Variants in ERBB4 observed in about 807,000 individuals in gnomAD.
ERBB4 encodes erb-b2 receptor tyrosine kinase 4.
ERBB4 carries 42 observed loss-of-function variants against 158.0 expected under a neutral mutation model. The ratio of observed to expected loss-of-function variants is 0.27; its 90% CI spans 0.21 to 0.34. The LOEUF (loss-of-function observed/expected upper bound fraction) is 0.34. Ranked by LOEUF, ERBB4 falls within the 10% of genes least tolerant of loss-of-function variation. The probability of loss-of-function intolerance (pLI) is 1.00; values close to 1 mark genes in which losing one functional copy is unlikely to be tolerated. For synonymous variants in ERBB4, 583 were observed against 558.7 expected, an observed-to-expected ratio of 1.04 and a Z score of -0.61; for missense variants, 1,333 against 1,624.1, an observed-to-expected ratio of 0.82 and a Z score of 3.08.
chr2:212,311,666 A>C (rs887136334), intron 1 of ERBB4, among the ~76,000 whole-genome samples: 1 of 151,004 alleles, frequency 6.6e-6, no homozygotes, highest in East Asian at 2.0e-4. Flanking sequence ...CAAGTCCTAA[A>C]TTTTTTAAAA....
chr2:212,159,219 T>C (rs917786414), intron 1 of ERBB4, among the ~76,000 whole-genome samples: 1 of 151,688 alleles, frequency 6.6e-6, no homozygotes, highest in African/African-American at 2.4e-5. Flanking sequence ...TGTGAGATCA[T>C]AAGTGTTTGC....
chr2:212,316,444 T>C (rs907735536), intron 1 of ERBB4, among the ~76,000 whole-genome samples: 7 of 151,488 alleles, frequency 4.6e-5, no homozygotes, highest in South Asian at 2.1e-4. Context: ...GAATCTGAAG[T>C]TCCCCCTTTT....
chr2:211,545,199 C>A (rs528816563), intron 20 of ERBB4, among the ~76,000 whole-genome samples: 1 of 152,026 alleles, frequency 6.6e-6, no homozygotes, highest in South Asian at 2.1e-4. Context: ...AATGGCTAGA[C>A]GCTTAACATT....
chr2:212,426,710 C>T (rs539417383), intron 1 of ERBB4, among the ~76,000 whole-genome samples: 5 of 152,166 alleles, frequency 3.3e-5, no homozygotes, highest in Admixed American at 1.3e-4. Context: ...CTCACACAAT[C>T]ACCCCTTTTG....
chr2:211,993,600 GAT>G (rs1264518150), intron 2 of ERBB4, among the ~76,000 whole-genome samples: 1 of 149,354 alleles, frequency 6.7e-6, no homozygotes. Flanking sequence ...TCCTAGATAA[GAT>G]ATATTTTTCT....
intron 2 of ERBB4, among the ~76,000 whole-genome samples, chr2:212,098,868 G>C (rs1208019503): frequency 1.3e-5 from 2 of 152,016 alleles, no homozygotes; most frequent in Admixed American, 1.3e-4. Context: ...ATTTATTCAG[G>C]AATGATGCAG....
chr2:211,793,439 G>A (rs181086173), intron 3 of ERBB4, among the ~76,000 whole-genome samples: 1 of 151,816 alleles, frequency 6.6e-6, no homozygotes, highest in Non-Finnish European at 1.5e-5. Flanking sequence ...ATCACAATAG[G>A]CGCATTTAAA....
At chr2:212,111,589 CA>C (rs2079407473) in intron 2 of ERBB4, among the ~76,000 whole-genome samples, 1 of 152,022 alleles carries the variant, frequency 6.6e-6, no homozygotes. Context: ...GAGGATTTCC[CA>C]GGTGGAAATG....
At chr2:211,975,757 T>G (rs1274738560) in intron 2 of ERBB4, among the ~76,000 whole-genome samples, 1 of 152,078 alleles carries the variant, frequency 6.6e-6, no homozygotes, top group Non-Finnish European at 1.5e-5. Context: ...GTAACAGAAT[T>G]CACAGGAAAA....
chr2:211,787,179 T>C (rs1276327234), intron 4 of ERBB4, among the ~76,000 whole-genome samples: 1 of 152,164 alleles, frequency 6.6e-6, no homozygotes, highest in Non-Finnish European at 1.5e-5. Context: ...ACAGTTATGA[T>C]TTCAGGTGGG....
At chr2:211,771,519 C>A (rs1031736504) in intron 4 of ERBB4, among the ~76,000 whole-genome samples, 2 of 152,150 alleles carry the variant, frequency 1.3e-5, no homozygotes, top group African/African-American at 2.4e-5. Context: ...TAAATAAAAT[C>A]TACTCATTAG....
At chr2:212,321,746 A>G (rs1000486124) in intron 1 of ERBB4, among the ~76,000 whole-genome samples, 1 of 150,550 alleles carries the variant, frequency 6.6e-6, no homozygotes, top group South Asian at 2.1e-4. Context: ...CTTTGCTAAT[A>G]GCTAGACTTA....
intron 1 of ERBB4, among the ~76,000 whole-genome samples, chr2:212,344,367 A>C (rs76145873): frequency 2.8e-4 from 42 of 152,138 alleles, no homozygotes; most frequent in African/African-American, 9.2e-4. Context: ...AAATGTCTCC[A>C]GACCTTGCTA....
intron 2 of ERBB4, among the ~76,000 whole-genome samples, chr2:212,003,116 G>GAAAGAAA (rs1559292040): frequency 3.0e-4 from 5 of 16,412 alleles, no homozygotes; most frequent in African/African-American, 6.7e-4. Context: ...AAAGAAAGAA[G>GAAAGAAA]GAAGGAAGGA....
At chr2:212,486,824 C>A (rs1337300168) in intron 1 of ERBB4, among the ~76,000 whole-genome samples, 1 of 152,158 alleles carries the variant, frequency 6.6e-6, no homozygotes, top group Non-Finnish European at 1.5e-5. Flanking sequence ...AAAAATAACA[C>A]TACTGCTTTA....
intron 1 of ERBB4, among the ~76,000 whole-genome samples, chr2:212,197,625 T>C (rs887191640): frequency 6.6e-6 from 1 of 152,160 alleles, no homozygotes; most frequent in Non-Finnish European, 1.5e-5. Context: ...CATAATAGGT[T>C]TGATAGTGTC....
At chr2:212,127,617 C>T (rs2079981685) in intron 1 of ERBB4, among the ~76,000 whole-genome samples, 1 of 152,068 alleles carries the variant, frequency 6.6e-6, no homozygotes, top group Non-Finnish European at 1.5e-5. Context: ...TTTAAAAAAA[C>T]ACATTATGTT....
intron 1 of ERBB4, among the ~76,000 whole-genome samples, chr2:212,475,105 G>A (rs1689319451): frequency 6.6e-6 from 1 of 152,034 alleles, no homozygotes; most frequent in African/African-American, 2.4e-5. Context: ...AAGCCCTCAA[G>A]TAGAAAGCTT....
chr2:212,523,628 A>G (rs993823718), intron 1 of ERBB4, among the ~76,000 whole-genome samples: 1 of 151,990 alleles, frequency 6.6e-6, no homozygotes, highest in Non-Finnish European at 1.5e-5. Context: ...GATGATGAGG[A>G]GCAGATGGGT....
Sources: gnomAD v4.1 joint callset for allele counts (sites outside exome capture counted in the v4.1 genomes callset) on GRCh38, gnomAD v4.1.1 for gene constraint, MANE v1.5 for transcripts, NCBI Gene and HGNC (gene_info 2026-07-23, HGNC 2026-07-21) for gene names.